DIMT1: variants seen among roughly 807,000 people sequenced by gnomAD.
DIMT1 encodes the protein DIM1 rRNA methyltransferase and ribosome maturation factor.
In DIMT1, 36 loss-of-function variants were observed where a neutral mutation model predicts 43.2. That is an observed-to-expected ratio of 0.83 (90% CI 0.64 to 1.10). The LOEUF is 1.10. Ranked by LOEUF, DIMT1 falls within the 50% of genes least tolerant of loss-of-function variation. The probability of loss-of-function intolerance (pLI) is 0.00; values close to 1 mark genes in which losing one functional copy is unlikely to be tolerated. For synonymous variants in DIMT1, 126 were observed against 130.3 expected (o/e 0.97, Z 0.22); for missense variants, 341 against 385.3 (o/e 0.88, Z 0.96).
chr5:62,393,912 A>G (rs1267052757), intron 8 of DIMT1, 43 bp downstream of exon 8: 1 of 1,542,270 alleles, frequency 6.5e-7, no homozygotes, highest in African/African-American at 1.4e-5. Context: ...TCCCGCCTGG[A>G]CTTTTTTTTC....
Position 62,403,852 on chromosome 5 carries a change from G to T in DIMT1, c.-80C>A. ...TAGCGTGAGAAAGCCACCACGTGGG[G>T]ATCGCCGCCACGCGCCGCCCGCACC... On this transcript the variant is annotated 5_prime_UTR_variant, in exon 1 of 12. Coordinates refer to ENST00000199320, the MANE Select transcript of DIMT1 (RefSeq NM_014473.4). 6.8e-7 allele frequency: 1 copy of T among 1,460,692 alleles called. No individual in the cohort carries two copies. Among genetic ancestry groups the T allele is most frequent in the Non-Finnish European group, 9.3e-7 (1 of 1,073,100 alleles). The allele number at this position is 1,460,692 out of a possible 1,614,324, so 90.5% of individuals were successfully genotyped here.
In DIMT1 at chr5:62,398,709, C is replaced by T. The variant is rs1464852417; in HGVS notation, c.333G>A (p.Val111=). The stretch of plus-strand genomic sequence containing the variant: ...GCAAATCTGTTTTCAGCACATCACC[C>T]ACCAGTACTTGAAGTTTGCTGGCCA... ...TPVASKLQVL[V]GDVLKTDLPF... Residue 111 remains valine (V), a synonymous_variant, in exon 5 of 12, where the codon GTG becomes GTA. Coordinates refer to ENST00000199320, the MANE Select transcript of DIMT1 (RefSeq NM_014473.4). The T allele has an allele frequency of 6.2e-7, 1 of 1,614,030 alleles. No individual in the cohort carries two copies. Among genetic ancestry groups the T allele is most frequent in the Non-Finnish European group, 8.5e-7 (1 of 1,180,024 alleles).
chr5:62,391,957 G>A lies in DIMT1; in HGVS notation c.792+214C>T, dbSNP rs143923218. On this transcript the variant is annotated intron_variant, in intron 10 of 11. Coordinates refer to ENST00000199320, the MANE Select transcript of DIMT1 (RefSeq NM_014473.4). ...GTCAGTAGTTAGAGGACAGGGTGGA[G>A]TAATCAAAGTTGCTCATATCTGTTT... 1,622 of 1,537,260 alleles carry A rather than the reference G, an allele frequency of 1.1e-3. 14 individuals are homozygous for A. The African/African-American group carries it at 0.019, about 18-fold the overall frequency.
At position 62,394,026 on chromosome 5, in the gene DIMT1, G is replaced by C; in HGVS notation, c.592C>G (p.Pro198Ala). The change falls in exon 8 of 12, where the codon CCA becomes GCA. Residue 198 changes from proline to alanine, a missense_variant. Pro to Ala is a conservative substitution (Grantham distance 27). Transcript: ENST00000199320. The stretch of plus-strand genomic sequence containing the variant: ...ACACTGGATTCCACCTTGGGCGGTG[G>C]TCTGAAGTTATTCTTTCCCACCTGT... Reference protein sequence around the residue: ...LMKVGKNNFRPPPKVESSVVR... With the variant: ...LMKVGKNNFRAPPKVESSVVR... 6.2e-7 allele frequency: 1 copy of C among 1,611,636 alleles called. No individual in the cohort carries two copies. The highest frequency in any genetic ancestry group is 2.2e-5 in the East Asian group (1 of 44,828).
intron 6 of DIMT1, among the ~76,000 whole-genome samples, chr5:62,396,855 C>G (rs1372654830): frequency 6.6e-6 from 1 of 152,184 alleles, no homozygotes; most frequent in African/African-American, 2.4e-5. Flanking sequence ...GTAGGCATCA[C>G]TTTCACTCTG....
intron 1 of DIMT1, 50 bp downstream of exon 1, chr5:62,403,644 G>A (rs1295309941): frequency 9.0e-6 from 14 of 1,563,944 alleles, no homozygotes; most frequent in Non-Finnish European, 1.2e-5. Context: ...GCTAGGTCCT[G>A]CCGGAAGACC....
chr5:62,388,901 T>C lies in DIMT1; in HGVS notation c.*109A>G, dbSNP rs750036041. On this transcript the variant is annotated 3_prime_UTR_variant, in exon 12 of 12. Coordinates refer to ENST00000199320, the MANE Select transcript of DIMT1 (RefSeq NM_014473.4). ...AACAGTAGTAGTATTGAACCAAAAA[T>C]AGTCAAGTAAATAATGTCTCAGTAA... 6.4e-4 allele frequency: 669 copies of C among 1,043,830 alleles called. No individual in the cohort carries two copies. Among genetic ancestry groups the C allele is most frequent in the Non-Finnish European group, 8.4e-4 (592 of 701,432 alleles). The allele number at this position is 1,043,830 out of a possible 1,614,324, so 64.7% of individuals were successfully genotyped here. A position where few individuals can be genotyped will look rare whatever the true frequency, so the allele number is the denominator to read the frequency against.
chr5:62,396,139 G>GGTTTTTTTTTTTTTTTT (rs1554044632), intron 6 of DIMT1, among the ~76,000 whole-genome samples: 15 of 116,758 alleles, frequency 1.3e-4, no homozygotes, highest in African/African-American at 5.0e-4. Flanking sequence ...GTCACTGCAG[G>GGTTTTTTTTTTTTTTTT]TTTTTTTTTT....
At position 62,403,314 on chromosome 5, in the gene DIMT1, T is replaced by C. The variant is rs761573423; in HGVS notation, c.112A>G (p.Ile38Val). 1.9e-6 allele frequency: 3 copies of C among 1,614,034 alleles called. No homozygotes were observed. Among genetic ancestry groups the C allele is most frequent in the Non-Finnish European group, 2.5e-6 (3 of 1,179,904 alleles). Residue 38 changes from isoleucine to valine, a missense_variant, in exon 2 of 12, where the codon ATT (isoleucine) becomes GTT (valine). Coordinates refer to ENST00000199320, the MANE Select transcript of DIMT1 (RefSeq NM_014473.4). ...TTAATAATGAGAGGATTTTTCAAAA[T>C]GTGCTGCCCAATCCCCGTGTTGAAC... ...LMFNTGIGQH[I>V]LKNPLIINSI...
At chr5:62,389,805 A>C (rs1162591036) in intron 11 of DIMT1, among the ~76,000 whole-genome samples, 1 of 152,200 alleles carries the variant, frequency 6.6e-6, no homozygotes, top group African/African-American at 2.4e-5. Flanking sequence ...TATGTACTTA[A>C]TAGATTCTAG....
chr5:62,391,456 T>C (rs1742302910), intron 10 of DIMT1: 1 of 160,836 alleles, frequency 6.2e-6, no homozygotes, highest in Admixed American at 6.2e-5. Flanking sequence ...TTCACATATT[T>C]TATCCAAATA....
Position 62,392,906 on chromosome 5 carries a change from G to A in DIMT1, c.728+20C>T. ...TGGAGCACTGGCCCTTTATACATTA[G>A]AAATTAGTGTAATACTTACTTAAAT... On this transcript the variant is annotated intron_variant, in intron 9 of 11. Transcript: ENST00000199320. The A allele has an allele frequency of 6.3e-7, 1 of 1,576,822 alleles. No homozygotes were observed. The highest frequency in any genetic ancestry group is 8.7e-7 in the Non-Finnish European group (1 of 1,147,548).
chr5:62,401,456 C>CTGCA (rs1469371017), intron 3 of DIMT1, among the ~76,000 whole-genome samples: 17 of 129,628 alleles, frequency 1.3e-4, no homozygotes, highest in African/African-American at 4.2e-4. Flanking sequence ...GACTGCATCT[C>CTGCA]TGCACTCCAG....
At chr5:62,390,041 A>G (rs1742232214) in intron 11 of DIMT1, among the ~76,000 whole-genome samples, 1 of 152,118 alleles carries the variant, frequency 6.6e-6, no homozygotes, top group Non-Finnish European at 1.5e-5. Context: ...TAAAATATAA[A>G]CTCCATTTGT....
chr5:62,399,388 A>G lies in DIMT1; in HGVS notation c.241-507T>C, dbSNP rs188667701. The stretch of plus-strand genomic sequence containing the variant: ...GGCTGAGGCAGGAGAATTGCTTGAA[A>G]CTGGGAGGCAGAGGTTGCAGTGAGT... On this transcript the variant is annotated intron_variant, in intron 3 of 11. Coordinates refer to ENST00000199320, the MANE Select transcript of DIMT1 (RefSeq NM_014473.4). 5.7e-3 allele frequency among the ~76,000 whole-genome samples: 856 copies of G among 150,878 alleles called. 3 individuals carry two copies. Among genetic ancestry groups the G allele is most frequent in the Non-Finnish European group, 9.3e-3 (627 of 67,618 alleles).
intron 6 of DIMT1, among the ~76,000 whole-genome samples, chr5:62,397,422 TCA>T (rs1742536373): frequency 6.6e-6 from 1 of 152,240 alleles, no homozygotes; most frequent in African/African-American, 2.4e-5. Context: ...GATTTTGCAG[TCA>T]GAATTGTGTA....
chr5:62,388,881 T>C lies in DIMT1; in HGVS notation c.*129A>G. The C allele has an allele frequency of 1.3e-6, 1 of 788,006 alleles. No individual in the cohort carries two copies. Among genetic ancestry groups the C allele is most frequent in the African/African-American group, 1.8e-5 (1 of 56,678 alleles). 48.8% of individuals were successfully genotyped at this position (788,006 alleles called of 1,614,324 possible). ...TCAGAATCATAAATGGTGACAACAG[T>C]AGTAGTATTGAACCAAAAATAGTCA... On this transcript the variant is annotated 3_prime_UTR_variant, in exon 12 of 12. Coordinates refer to ENST00000199320, the MANE Select transcript of DIMT1 (RefSeq NM_014473.4).
intron 1 of DIMT1, 148 bp downstream of exon 1, chr5:62,403,546 C>T (rs964660826): frequency 2.2e-5 from 22 of 1,016,394 alleles, no homozygotes; most frequent in South Asian, 4.7e-5. Context: ...GGGCCTGCGG[C>T]CGAGTCGGGG....
chr5:62,396,732 C>A (rs1355052320), intron 6 of DIMT1, among the ~76,000 whole-genome samples: 1 of 152,020 alleles, frequency 6.6e-6, no homozygotes, highest in East Asian at 1.9e-4. Context: ...ATTCTTTGGT[C>A]CTAAAGAAAG....
Sources: allele counts gnomAD v4.1 joint callset (sites outside exome capture counted in the v4.1 genomes callset), GRCh38; gene constraint gnomAD v4.1.1; transcripts MANE v1.5; gene names NCBI Gene and HGNC (gene_info 2026-07-23, HGNC 2026-07-21).